HYCC1: variants seen among roughly 807,000 people sequenced by gnomAD.
HYCC1 encodes hyccin PI4KA lipid kinase complex subunit 1.
the HYCC1 span, among the ~76,000 whole-genome samples, chr7:22,924,216 C>A: frequency 6.7e-6 from 1 of 149,312 alleles, no homozygotes; most frequent in Non-Finnish European, 1.5e-5. Flanking sequence ...GCCAAGATGG[C>A]CGAATAGGAA....
the HYCC1 span, among the ~76,000 whole-genome samples, chr7:22,915,661 C>T: frequency 0.25 from 38,377 of 151,970 alleles, 5,010 homozygotes; most frequent in East Asian, 0.48. Context: ...CAGTGGAGGG[C>T]AAGTCCATCC....
the HYCC1 span, among the ~76,000 whole-genome samples, chr7:22,917,681 A>G: frequency 6.6e-6 from 1 of 152,210 alleles, no homozygotes; most frequent in Admixed American, 6.5e-5. Context: ...ATACAGTCTG[A>G]TAACGGATTG....
At chr7:22,988,910 C>T in the HYCC1 span, among the ~76,000 whole-genome samples, 1 of 152,194 alleles carries the variant, frequency 6.6e-6, no homozygotes, top group Non-Finnish European at 1.5e-5. Flanking sequence ...TCAGACACTA[C>T]TGCTGTTAAC....
At chr7:22,960,936 AGCT>A in the HYCC1 span, among the ~76,000 whole-genome samples, 1 of 152,242 alleles carries the variant, frequency 6.6e-6, no homozygotes. Context: ...CTGTAATCCC[AGCT>A]ACTCGGGAGG....
the HYCC1 span, among the ~76,000 whole-genome samples, chr7:22,968,469 C>T: frequency 6.6e-6 from 1 of 152,152 alleles, no homozygotes; most frequent in South Asian, 2.1e-4. Flanking sequence ...CACCTACCAG[C>T]TTGGACTTTT....
At chr7:22,955,695 T>C in the HYCC1 span, among the ~76,000 whole-genome samples, 6 of 151,576 alleles carry the variant, frequency 4.0e-5, no homozygotes, top group African/African-American at 1.5e-4. Flanking sequence ...AAATAGCAAT[T>C]AGATTTGCTC....
At chr7:22,933,518 G>GTATA in the HYCC1 span, among the ~76,000 whole-genome samples, 259 of 152,010 alleles carry the variant, frequency 1.7e-3, no homozygotes, top group Non-Finnish European at 1.9e-3. Flanking sequence ...TGTTTGCATG[G>GTATA]TATAGCACTT....
the HYCC1 span, among the ~76,000 whole-genome samples, chr7:22,987,433 A>G: frequency 2.0e-5 from 3 of 152,198 alleles, no homozygotes; most frequent in Non-Finnish European, 4.4e-5. Context: ...CTGTAATCCC[A>G]GCTACTCAGA....
At chr7:22,945,833 C>T in the HYCC1 span, 6 of 1,613,638 alleles carry the variant, frequency 3.7e-6, no homozygotes, top group African/African-American at 6.7e-5. Context: ...CTTAGCCAAA[C>T]CATGGCTACT....
At chr7:22,924,720 G>A in the HYCC1 span, among the ~76,000 whole-genome samples, 1 of 152,244 alleles carries the variant, frequency 6.6e-6, no homozygotes, top group East Asian at 1.9e-4. Context: ...ACAGCTCAAG[G>A]AGGCCTGCCT....
At chr7:22,914,167 T>G in the HYCC1 span, among the ~76,000 whole-genome samples, 1 of 152,246 alleles carries the variant, frequency 6.6e-6, no homozygotes, top group Non-Finnish European at 1.5e-5. Context: ...TGGGGACACC[T>G]GCCTGATTAT....
the HYCC1 span, among the ~76,000 whole-genome samples, chr7:22,930,688 C>G: frequency 6.6e-6 from 1 of 152,120 alleles, no homozygotes; most frequent in Admixed American, 6.5e-5. Context: ...TAATATTCCC[C>G]ATGAGTAGAG....
At chr7:22,948,416 C>T in the HYCC1 span, among the ~76,000 whole-genome samples, 2 of 152,064 alleles carry the variant, frequency 1.3e-5, no homozygotes, top group South Asian at 4.1e-4. Context: ...ACATTGGTAT[C>T]ACCTGAGCAT....
chr7:23,005,080 A>C, the HYCC1 span, among the ~76,000 whole-genome samples: 1 of 152,138 alleles, frequency 6.6e-6, no homozygotes, highest in Non-Finnish European at 1.5e-5. Context: ...GCTGGGATTA[A>C]AGGTGAAAGC....
chr7:22,935,114 T>C, the HYCC1 span: 1 of 152,156 alleles, frequency 6.6e-6, no homozygotes, highest in East Asian at 1.9e-4. Flanking sequence ...TCTTCTAGAG[T>C]CCTGTTTAGC....
At chr7:22,942,608 T>C in the HYCC1 span, 1 of 152,180 alleles carries the variant, frequency 6.6e-6, no homozygotes, top group Non-Finnish European at 1.5e-5. Context: ...AAATGTGCAA[T>C]GAAGCCACAA....
the HYCC1 span, among the ~76,000 whole-genome samples, chr7:22,963,886 A>G: frequency 6.6e-6 from 1 of 152,252 alleles, no homozygotes; most frequent in Non-Finnish European, 1.5e-5. Context: ...TAAATGAGAT[A>G]CATATAATAA....
the HYCC1 span, among the ~76,000 whole-genome samples, chr7:22,900,733 AT>A: frequency 6.6e-6 from 1 of 152,228 alleles, no homozygotes. Flanking sequence ...AGATGATGAG[AT>A]GATGAAATGA....
the HYCC1 span, among the ~76,000 whole-genome samples, chr7:22,918,827 ACT>A: frequency 6.6e-6 from 1 of 151,232 alleles, no homozygotes; most frequent in Non-Finnish European, 1.5e-5. Context: ...CCCTTTGCTG[ACT>A]CTCTTTTCAG....
Sources: gnomAD v4.1 joint callset for allele counts (sites outside exome capture counted in the v4.1 genomes callset) on GRCh38, gnomAD v4.1.1 for gene constraint, MANE v1.5 for transcripts, NCBI Gene and HGNC (gene_info 2026-07-23, HGNC 2026-07-21) for gene names.